Variants in GSK3B observed in about 807,000 individuals in gnomAD.
GSK3B encodes the protein glycogen synthase kinase 3 beta.
A neutral mutation model predicts 56.4 loss-of-function variants in GSK3B; 15 were observed. The observed-to-expected ratio is 0.27, with a 90% CI of 0.18 to 0.41. The LOEUF is 0.41. Among genes scored for constraint, GSK3B ranks in the 10% least tolerant of loss-of-function variants. The pLI, the probability that GSK3B is intolerant of heterozygous loss-of-function variation, is 1.00. For synonymous variants in GSK3B, 181 were observed against 188.9 expected (o/e 0.96, Z 0.34); for missense variants, 300 against 513.4 (o/e 0.58, Z 4.02).
chr3:120,093,259 G>C (rs1408134737), intron 1 of GSK3B, 88 bp downstream of exon 1: 28 of 866,430 alleles, frequency 3.2e-5, no homozygotes, highest in Non-Finnish European at 5.0e-5. Flanking sequence ...TTTATCAGGA[G>C]GTCTAATAAT....
At position 120,010,910 on chromosome 3, in the gene GSK3B, A is replaced by G. The variant is rs2057773288; in HGVS notation, c.89-8671T>C. On this transcript the variant is annotated intron_variant, in intron 1 of 10. Coordinates refer to ENST00000264235, the MANE Select transcript of GSK3B (RefSeq NM_001146156.2). ...TGGCAAAACATTGTCTCTACTAAAA[A>G]TACAAAAATTAGCCAAACACAGTGA... is the stretch of plus-strand genomic sequence containing the variant. Among the ~76,000 whole-genome samples the G allele has an allele frequency of 2.0e-5, 3 of 152,316 alleles. 1 individual carries two copies. The South Asian group carries it at 6.2e-4, about 32-fold the overall frequency.
At chr3:120,051,468 T>TAA (rs2058149304) in intron 1 of GSK3B, among the ~76,000 whole-genome samples, 1 of 152,148 alleles carries the variant, frequency 6.6e-6, no homozygotes, top group Admixed American at 6.5e-5. Flanking sequence ...CAATTAATTA[T>TAA]AAAAAGCACT....
intron 2 of GSK3B, among the ~76,000 whole-genome samples, chr3:119,995,888 C>T (rs944766453): frequency 2.0e-5 from 3 of 152,036 alleles, no homozygotes; most frequent in Non-Finnish European, 2.9e-5. Context: ...CAGGCACGTG[C>T]CACCACACTT....
At chr3:119,857,008 G>T (rs556073598) in intron 9 of GSK3B, among the ~76,000 whole-genome samples, 1 of 151,988 alleles carries the variant, frequency 6.6e-6, no homozygotes, top group South Asian at 2.1e-4. Flanking sequence ...CTACACTATC[G>T]TCTATTAAGT....
intron 10 of GSK3B, among the ~76,000 whole-genome samples, chr3:119,835,307 T>C (rs2055673114): frequency 6.6e-6 from 1 of 152,230 alleles, no homozygotes; most frequent in Admixed American, 6.5e-5. Flanking sequence ...TAAAATTCTT[T>C]ATACTTTTTG....
intron 1 of GSK3B, among the ~76,000 whole-genome samples, chr3:120,085,076 C>G (rs2058452218): frequency 6.6e-6 from 1 of 152,146 alleles, no homozygotes; most frequent in Non-Finnish European, 1.5e-5. Flanking sequence ...TGTTGCAGAG[C>G]AGGAGAGAAG....
At chr3:119,956,084 T>A (rs1296185273) in intron 2 of GSK3B, among the ~76,000 whole-genome samples, 1 of 152,176 alleles carries the variant, frequency 6.6e-6, no homozygotes, top group Admixed American at 6.5e-5. Flanking sequence ...AGAAAATGGG[T>A]CTACAATAGT....
chr3:119,856,297 A>C (rs961717746), intron 9 of GSK3B, among the ~76,000 whole-genome samples: 2 of 152,140 alleles, frequency 1.3e-5, no homozygotes, highest in Admixed American at 6.6e-5. Context: ...GCAATGTTGC[A>C]TTTCTTTACT....
At chr3:119,851,381 T>G (rs1372273751) in intron 9 of GSK3B, among the ~76,000 whole-genome samples, 2 of 152,182 alleles carry the variant, frequency 1.3e-5, no homozygotes, top group African/African-American at 2.4e-5. Context: ...AAATTTGCCT[T>G]AAAAGTTTCT....
chr3:120,016,931 C>T (rs910509593), intron 1 of GSK3B, among the ~76,000 whole-genome samples: 3 of 152,204 alleles, frequency 2.0e-5, no homozygotes, highest in Admixed American at 6.5e-5. Flanking sequence ...CTTAACTCCT[C>T]ACTTGAAATA....
In GSK3B at chr3:119,836,005, A is replaced by G. The variant is rs531156925; in HGVS notation, c.1195+7250T>C. 1.1e-4 allele frequency among the ~76,000 whole-genome samples: 16 copies of G among 152,340 alleles called. No individual in the cohort carries two copies. In the South Asian group the frequency reaches 2.9e-3, roughly 28 times the overall value. On this transcript the variant is annotated intron_variant, in intron 10 of 10. Coordinates refer to ENST00000264235, the MANE Select transcript of GSK3B (RefSeq NM_001146156.2). ...AATGAGAGAAATTATTCTGTGTTTA[A>G]TTCTGCCCAACTAAAAAGAATTGGC...
At chr3:119,899,676 GTTT>G (rs2056606005) in intron 7 of GSK3B, among the ~76,000 whole-genome samples, 1 of 151,996 alleles carries the variant, frequency 6.6e-6, no homozygotes, top group South Asian at 2.1e-4. Context: ...CTGTAGAACT[GTTT>G]TTGTTTACTA....
chr3:119,863,576 T>C lies in GSK3B; in HGVS notation c.939A>G (p.Ala313=). The C allele has an allele frequency of 6.2e-7, 1 of 1,613,268 alleles. No individual in the cohort carries two copies. ...CCAGCAGACGGCTACACAGTGCAAT[T>C]GCCTCCGGTGGAGTTCGGGGTCGGA... ...KVFRPRTPPE[A]IALCSRLLEY... The change falls in exon 9 of 11, where the codon GCA becomes GCG. Residue 313 remains alanine, a synonymous_variant. Transcript: ENST00000264235.
At chr3:120,002,559 G>C (rs923623147) in intron 1 of GSK3B, among the ~76,000 whole-genome samples, 6 of 152,068 alleles carry the variant, frequency 3.9e-5, no homozygotes, top group Non-Finnish European at 8.8e-5. Flanking sequence ...GGCTGGTCTT[G>C]AACTCCTGAC....
chr3:119,891,120 G>GA (rs2056496866), intron 7 of GSK3B, among the ~76,000 whole-genome samples: 1 of 151,976 alleles, frequency 6.6e-6, no homozygotes. Flanking sequence ...ACACTGCACT[G>GA]GAAAGAGGAA....
At chr3:119,898,818 A>C (rs1424785360) in intron 7 of GSK3B, among the ~76,000 whole-genome samples, 1 of 152,174 alleles carries the variant, frequency 6.6e-6, no homozygotes, top group East Asian at 1.9e-4. Context: ...AGTTTAATTT[A>C]TAAATTAGGC....
chr3:120,082,385 CTTTTTTTTTTTTTTTTT>C (rs1173737285), intron 1 of GSK3B, among the ~76,000 whole-genome samples: 5 of 66,384 alleles, frequency 7.5e-5, no homozygotes, highest in East Asian at 7.0e-4. Context: ...TTAGTATGTT[CTTTTTTTTTTTTTTTTT>C]TTTTTTTTTT....
chr3:119,876,722 G>A (rs2056318794), intron 7 of GSK3B, among the ~76,000 whole-genome samples: 1 of 152,192 alleles, frequency 6.6e-6, no homozygotes, highest in African/African-American at 2.4e-5. Context: ...GAGGTGGGAT[G>A]TTTAAATGGT....
At chr3:119,919,571 G>A (rs1391093046) in intron 4 of GSK3B, among the ~76,000 whole-genome samples, 10 of 149,528 alleles carry the variant, frequency 6.7e-5, no homozygotes. Flanking sequence ...TTTCCCACAA[G>A]GGGGAGAAAG....
Sources: gnomAD v4.1 joint callset for allele counts (sites outside exome capture counted in the v4.1 genomes callset) on GRCh38, gnomAD v4.1.1 for gene constraint, MANE v1.5 for transcripts, NCBI Gene and HGNC (gene_info 2026-07-23, HGNC 2026-07-21) for gene names.